The following TSHZ2 variants were observed in gnomAD, a reference collection of about 807,000 sequenced individuals.
TSHZ2 encodes the protein teashirt homolog 2.
A neutral mutation model predicts 74.4 loss-of-function variants in TSHZ2; 21 were observed. That is an observed-to-expected ratio of 0.28 (90% CI 0.20 to 0.41). The LOEUF (loss-of-function observed/expected upper bound fraction) is 0.41. Ranked by LOEUF, TSHZ2 falls within the 10% of genes least tolerant of loss-of-function variation. The pLI, the probability that TSHZ2 is intolerant of heterozygous loss-of-function variation, is 1.00. For synonymous variants in TSHZ2, 540 were observed against 515.3 expected (o/e 1.05, Z -0.65); for missense variants, 1,244 against 1,293.5 (o/e 0.96, Z 0.59).
At chr20:53,156,285 T>G (rs1400556057) in intron 1 of TSHZ2, among the ~76,000 whole-genome samples, 1 of 152,226 alleles carries the variant, frequency 6.6e-6, no homozygotes, top group Non-Finnish European at 1.5e-5. Flanking sequence ...CATATGTCTC[T>G]GTGGAAGAAA....
chr20:53,103,742 G>A (rs1313087715), intron 1 of TSHZ2, among the ~76,000 whole-genome samples: 1 of 152,144 alleles, frequency 6.6e-6, no homozygotes, highest in Non-Finnish European at 1.5e-5. Context: ...TACGAAGCTG[G>A]TGGCTCTCAG....
At chr20:53,320,587 T>TG (rs1341932124) in intron 2 of TSHZ2, among the ~76,000 whole-genome samples, 1 of 152,178 alleles carries the variant, frequency 6.6e-6, no homozygotes, top group Admixed American at 6.5e-5. Flanking sequence ...TTTCTAGAAG[T>TG]GTTGCTGGTA....
chr20:53,469,084 T>TATATATATAC (rs1351403317), intron 2 of TSHZ2, among the ~76,000 whole-genome samples: 2 of 132,348 alleles, frequency 1.5e-5, no homozygotes, highest in East Asian at 2.2e-4. Flanking sequence ...TATATATATA[T>TATATATATAC]GTACATATTC....
chr20:53,413,105 T>C (rs927091915), intron 2 of TSHZ2, among the ~76,000 whole-genome samples: 78 of 152,102 alleles, frequency 5.1e-4, no homozygotes, highest in African/African-American at 1.8e-3. Flanking sequence ...GAGCAGCTGA[T>C]CATGCACGAT....
At chr20:53,066,231 G>A (rs954544566) in intron 1 of TSHZ2, among the ~76,000 whole-genome samples, 1 of 151,858 alleles carries the variant, frequency 6.6e-6, no homozygotes, top group Admixed American at 6.6e-5. Context: ...CAAGGGGAAG[G>A]GTTGGTTTAT....
intron 1 of TSHZ2, among the ~76,000 whole-genome samples, chr20:53,087,446 C>T (rs1481433358): frequency 6.6e-6 from 1 of 152,212 alleles, no homozygotes; most frequent in Admixed American, 6.5e-5. Flanking sequence ...TTAGCTCTGA[C>T]AGTCGGCTCA....
chr20:53,305,470 A>T (rs1978493132), intron 2 of TSHZ2, among the ~76,000 whole-genome samples: 1 of 152,032 alleles, frequency 6.6e-6, no homozygotes, highest in Non-Finnish European at 1.5e-5. Flanking sequence ...CTGCACTGGG[A>T]CACGCCAAGC....
At chr20:53,275,950 C>G (rs531763298) in intron 2 of TSHZ2, among the ~76,000 whole-genome samples, 1 of 152,100 alleles carries the variant, frequency 6.6e-6, no homozygotes, top group Non-Finnish European at 1.5e-5. Flanking sequence ...ACAAACAAAA[C>G]TATTCAGCAT....
At chr20:53,146,234 G>A (rs1403968848) in intron 1 of TSHZ2, among the ~76,000 whole-genome samples, 2 of 152,184 alleles carry the variant, frequency 1.3e-5, no homozygotes, top group African/African-American at 4.8e-5. Flanking sequence ...AGTGAATGCA[G>A]TTGTGGGGCA....
At chr20:53,038,870 G>T (rs1473023987) in intron 1 of TSHZ2, among the ~76,000 whole-genome samples, 30 of 117,566 alleles carry the variant, frequency 2.6e-4, no homozygotes, top group Admixed American at 1.1e-3. Context: ...TTTTTTTTTT[G>T]TTTGTTTGTT....
At chr20:53,013,174 G>A (rs1982917226) in intron 1 of TSHZ2, among the ~76,000 whole-genome samples, 1 of 152,030 alleles carries the variant, frequency 6.6e-6, no homozygotes. Flanking sequence ...CAAAAATGTT[G>A]GGTGATCAGC....
At chr20:53,307,704 G>A (rs909118413) in intron 2 of TSHZ2, among the ~76,000 whole-genome samples, 1 of 152,140 alleles carries the variant, frequency 6.6e-6, no homozygotes, top group African/African-American at 2.4e-5. Context: ...ATTTTACATA[G>A]GTTCACACCC....
chr20:53,145,785 A>C (rs1987525866), intron 1 of TSHZ2, among the ~76,000 whole-genome samples: 1 of 152,240 alleles, frequency 6.6e-6, no homozygotes, highest in Non-Finnish European at 1.5e-5. Flanking sequence ...TAATCCCAGA[A>C]GAATGCTTGG....
intron 2 of TSHZ2, among the ~76,000 whole-genome samples, chr20:53,312,284 C>T (rs772182794): frequency 1.5e-4 from 23 of 152,126 alleles, no homozygotes; most frequent in African/African-American, 1.2e-4. Context: ...TATCAAGAGA[C>T]GTGGAGACAT....
chr20:53,469,320 G>T (rs1252606016), intron 2 of TSHZ2, among the ~76,000 whole-genome samples: 1 of 151,620 alleles, frequency 6.6e-6, no homozygotes, highest in Non-Finnish European at 1.5e-5. Flanking sequence ...GAGGTGAGTG[G>T]ATCACTTGAG....
At chr20:53,295,415 CGT>C (rs767488393) in intron 2 of TSHZ2, among the ~76,000 whole-genome samples, 4 of 141,632 alleles carry the variant, frequency 2.8e-5, no homozygotes, top group Non-Finnish European at 3.1e-5. Context: ...TTTATGTATA[CGT>C]GTGTGTGTGT....
rs1172989413 is a variant in TSHZ2, at chr20:53,287,018, G to A, written c.*8+30447G>A. ...CGAGGTTCATCATCTAGGGGACAAG[G>A]AAGTGAAGCGAATGCACAATCGTAG... is the stretch of plus-strand genomic sequence containing the variant. On this transcript the variant is annotated intron_variant, in intron 2 of 2. Transcript: ENST00000371497. Among the ~76,000 whole-genome samples the A allele has an allele frequency of 2.0e-5, 3 of 152,076 alleles. No homozygotes were observed. In the East Asian group the frequency reaches 5.8e-4, roughly 29 times the overall value.
At chr20:53,227,463 A>AACAC (rs10574252) in intron 1 of TSHZ2, among the ~76,000 whole-genome samples, 1,507 of 146,654 alleles carry the variant, frequency 0.01, 19 homozygotes, top group African/African-American at 0.027. Flanking sequence ...TGGGGAGGAA[A>AACAC]ACACACACAC....
At chr20:53,040,438 TGGGAGCCATGGAAG>T (rs1355501380) in intron 1 of TSHZ2, among the ~76,000 whole-genome samples, 1 of 152,052 alleles carries the variant, frequency 6.6e-6, no homozygotes, top group African/African-American at 2.4e-5. Context: ...TCAAATGCAA[TGGGAGCCATGGAAG>T]GGTTTTGAGC....
Sources: gnomAD v4.1 joint callset for allele counts (sites outside exome capture counted in the v4.1 genomes callset) on GRCh38, gnomAD v4.1.1 for gene constraint, MANE v1.5 for transcripts, NCBI Gene and HGNC (gene_info 2026-07-23, HGNC 2026-07-21) for gene names.